Variants in NTNG1 observed in about 807,000 individuals in gnomAD.
NTNG1 encodes netrin G1.
A neutral mutation model predicts 54.0 loss-of-function variants in NTNG1; 16 were observed. That is an observed-to-expected ratio of 0.30 (90% CI 0.20 to 0.45). The LOEUF (loss-of-function observed/expected upper bound fraction) is 0.45, where lower values mean the gene tolerates loss of function less well. NTNG1 is among the 20% of genes least tolerant of loss of function. The pLI is 1.00. For missense variants in NTNG1, 530 were observed against 678.7 expected (o/e 0.78, Z 2.43); for synonymous variants, 255 against 263.1 (o/e 0.97, Z 0.30).
intron 3 of NTNG1, among the ~76,000 whole-genome samples, chr1:107,340,281 G>A (rs1313425264): frequency 6.6e-6 from 1 of 151,950 alleles, no homozygotes; most frequent in Admixed American, 6.6e-5. Context: ...AAAATTGATA[G>A]GCATAACCAG....
chr1:107,189,488 C>T (rs1267340358), intron 2 of NTNG1, among the ~76,000 whole-genome samples: 1 of 147,598 alleles, frequency 6.8e-6, no homozygotes, highest in Non-Finnish European at 1.5e-5. Context: ...GGAGGGGTGT[C>T]AAAATTGCAA....
chr1:107,227,491 T>G (rs1227283826), intron 2 of NTNG1, among the ~76,000 whole-genome samples: 1 of 152,068 alleles, frequency 6.6e-6, no homozygotes, highest in Non-Finnish European at 1.5e-5. Context: ...TATTATTCCT[T>G]CCTTAGGTTT....
chr1:107,284,596 A>G (rs1394981401), intron 2 of NTNG1, among the ~76,000 whole-genome samples: 1 of 152,146 alleles, frequency 6.6e-6, no homozygotes, highest in Non-Finnish European at 1.5e-5. Flanking sequence ...AACATGGAAA[A>G]TGTTTACATA....
At chr1:107,160,305 C>A (rs1655312386) in intron 2 of NTNG1, among the ~76,000 whole-genome samples, 1 of 152,100 alleles carries the variant, frequency 6.6e-6, no homozygotes, top group South Asian at 2.1e-4. Context: ...CTCCTTAACT[C>A]CTTTATATCC....
At position 107,257,530 on chromosome 1, in the gene NTNG1, C is replaced by A. The variant is rs867618149; in HGVS notation, c.247-66752C>A. ...AAAGACCAAAACCTATCAATATGGT[C>A]ATTTTGTATATCTTAATGAATAAAC... On this transcript the variant is annotated intron_variant, in intron 2 of 7. Transcript: ENST00000370068. Among the ~76,000 whole-genome samples the A allele has an allele frequency of 2.0e-4, 30 of 152,142 alleles. 1 individual carries two copies. The highest frequency in any genetic ancestry group is 3.2e-3 in the Middle Eastern group (1 of 316).
chr1:107,382,331 C>T (rs1310832701), intron 3 of NTNG1, among the ~76,000 whole-genome samples: 1 of 152,096 alleles, frequency 6.6e-6, no homozygotes, highest in Admixed American at 6.5e-5. Flanking sequence ...GAAAGCCAGC[C>T]CAGCCCAACT....
At chr1:107,418,029 A>G (rs1250582541) in intron 5 of NTNG1, among the ~76,000 whole-genome samples, 3 of 152,104 alleles carry the variant, frequency 2.0e-5, no homozygotes, top group African/African-American at 7.2e-5. Flanking sequence ...ACTTTTCTCC[A>G]TAAGCCAAAA....
At chr1:107,281,543 T>C (rs1346864967) in intron 2 of NTNG1, among the ~76,000 whole-genome samples, 3 of 152,170 alleles carry the variant, frequency 2.0e-5, no homozygotes, top group African/African-American at 7.2e-5. Flanking sequence ...GGCACAGAAC[T>C]GTGAGGAAAT....
chr1:107,337,729 C>T (rs943520065), intron 3 of NTNG1, among the ~76,000 whole-genome samples: 2 of 151,978 alleles, frequency 1.3e-5, no homozygotes, highest in African/African-American at 2.4e-5. Flanking sequence ...CTTCTCTGTC[C>T]TTATGAAATC....
chr1:107,188,884 A>C (rs558842898), intron 2 of NTNG1, among the ~76,000 whole-genome samples: 22 of 152,272 alleles, frequency 1.4e-4, no homozygotes, highest in Admixed American at 1.4e-3. Flanking sequence ...CATCTAAGGC[A>C]GCATTTATTT....
chr1:107,216,447 A>G (rs1444719564), intron 2 of NTNG1, among the ~76,000 whole-genome samples: 1 of 152,182 alleles, frequency 6.6e-6, no homozygotes, highest in Non-Finnish European at 1.5e-5. Flanking sequence ...GATATACCAC[A>G]TTTATTGACC....
intron 3 of NTNG1, among the ~76,000 whole-genome samples, chr1:107,384,978 G>A (rs981243535): frequency 3.9e-5 from 6 of 152,158 alleles, no homozygotes; most frequent in African/African-American, 1.2e-4. Context: ...AATAAAGAAT[G>A]GAATCATAGA....
intron 2 of NTNG1, among the ~76,000 whole-genome samples, chr1:107,181,888 G>C (rs1016709938): frequency 6.6e-6 from 1 of 151,988 alleles, no homozygotes; most frequent in Admixed American, 6.6e-5. Flanking sequence ...CATTAGATAA[G>C]AGCACTGATT....
intron 3 of NTNG1, among the ~76,000 whole-genome samples, chr1:107,386,013 C>T (rs1285081188): frequency 6.7e-6 from 1 of 148,424 alleles, no homozygotes; most frequent in Non-Finnish European, 1.5e-5. Context: ...CACTAATCTA[C>T]TTTCTGTCTC....
chr1:107,436,810 C>G lies in NTNG1; in HGVS notation c.1390+11C>G. 6.2e-7 allele frequency: 1 copy of G among 1,612,734 alleles called. No homozygotes were observed. Among genetic ancestry groups the G allele is most frequent in the Non-Finnish European group, 8.5e-7 (1 of 1,179,130 alleles). On this transcript the variant is annotated intron_variant, in intron 7 of 7. Transcript: ENST00000370068. ...ACTACGGCTGTCAACGTAAGTAACT[C>G]TGGGAGCTGCCCTCTGCCTGCTGCA... is the stretch of plus-strand genomic sequence containing the variant.
At chr1:107,386,200 A>C (rs1671990486) in intron 3 of NTNG1, among the ~76,000 whole-genome samples, 1 of 134,686 alleles carries the variant, frequency 7.4e-6, no homozygotes, top group African/African-American at 2.9e-5. Flanking sequence ...ATGGGGTTTC[A>C]CTCTTGTTGC....
chr1:107,398,878 C>A (rs1395218373), intron 4 of NTNG1, among the ~76,000 whole-genome samples: 4 of 152,058 alleles, frequency 2.6e-5, no homozygotes, highest in Non-Finnish European at 4.4e-5. Flanking sequence ...AATTATGATT[C>A]TCTTGATTCC....
chr1:107,218,409 A>C (rs1273772834), intron 2 of NTNG1, among the ~76,000 whole-genome samples: 1 of 152,120 alleles, frequency 6.6e-6, no homozygotes, highest in Non-Finnish European at 1.5e-5. Flanking sequence ...TCATTCTGCC[A>C]TTCTGTATCT....
At chr1:107,257,633 A>G (rs1663014428) in intron 2 of NTNG1, among the ~76,000 whole-genome samples, 1 of 152,188 alleles carries the variant, frequency 6.6e-6, no homozygotes, top group Admixed American at 6.5e-5. Flanking sequence ...AGCCAATTTG[A>G]TCCCTGCATG....
Sources: allele counts gnomAD v4.1 joint callset (sites outside exome capture counted in the v4.1 genomes callset), GRCh38; gene constraint gnomAD v4.1.1; transcripts MANE v1.5; gene names NCBI Gene and HGNC (gene_info 2026-07-23, HGNC 2026-07-21).